ABCB7: variants seen among roughly 807,000 people sequenced by gnomAD.
ABCB7 encodes ATP binding cassette subfamily B member 7, also known as iron-sulfur clusters transporter ABCB7, mitochondrial.
ABCB7 carries 7 observed loss-of-function variants against 54.4 expected under a neutral mutation model. That is an observed-to-expected ratio of 0.13 (90% CI 0.07 to 0.24). The LOEUF (loss-of-function observed/expected upper bound fraction) is 0.24, where lower values mean the gene tolerates loss of function less well. Among genes scored for constraint, ABCB7 ranks in the 10% least tolerant of loss-of-function variants. The pLI, the probability that ABCB7 is intolerant of heterozygous loss-of-function variation, is 1.00. For synonymous variants in ABCB7, 218 were observed against 207.1 expected, an observed-to-expected ratio of 1.05 and a Z score of -0.45; for missense variants, 356 against 570.4, an observed-to-expected ratio of 0.62 and a Z score of 3.83.
Position 75,148,809 on chromosome X carries a change from T to C in ABCB7, c.168+7296A>G, listed in dbSNP as rs772833024. Among the ~76,000 whole-genome samples, 9 of 111,425 alleles carry C rather than the reference T, an allele frequency of 8.1e-5. No individual in the cohort carries two copies. In the East Asian group the frequency reaches 2.5e-3, roughly 31 times the overall value. ...TTGGACTTCATGGGTTCCAGAACTG[T>C]GAGAAAATACATTTCTGTTGTATAA... is the stretch of plus-strand genomic sequence containing the variant. On this transcript the variant is annotated intron_variant, in intron 1 of 15. Transcript: ENST00000373394.
intron 1 of ABCB7, among the ~76,000 whole-genome samples, chrX:75,130,211 G>A (rs924851027): frequency 8.9e-6 from 1 of 111,867 alleles, no homozygotes; most frequent in African/African-American, 3.3e-5. Flanking sequence ...CTTGGTCCAA[G>A]AATCAATGTA....
chrX:75,155,160 T>C lies in ABCB7; in HGVS notation c.168+945A>G, dbSNP rs1466997797. ...CTCCTTAACTAAACTGTACAATCCT[T>C]GAAGGCATAACTGTATGTCTCTCTT... On this transcript the variant is annotated intron_variant, in intron 1 of 15. Transcript: ENST00000373394. 3.5e-5 allele frequency among the ~76,000 whole-genome samples: 4 copies of C among 113,189 alleles called. No homozygotes were observed. In the South Asian group the frequency reaches 1.4e-3, roughly 41 times the overall value.
chrX:75,074,714 T>C (rs2081392205), intron 6 of ABCB7, among the ~76,000 whole-genome samples: 2 of 111,476 alleles, frequency 1.8e-5, no homozygotes, highest in South Asian at 7.5e-4. Flanking sequence ...CTGGAGACCA[T>C]TATCTTAAGT....
chrX:75,069,596 T>G (rs2081347716), intron 10 of ABCB7, 142 bp from the exon 11 acceptor site: 1 of 629,728 alleles, frequency 1.6e-6, no homozygotes, highest in Non-Finnish European at 2.4e-6. Context: ...CTTCCAAGCA[T>G]GCATTTAAAG....
intron 1 of ABCB7, among the ~76,000 whole-genome samples, chrX:75,129,321 T>C (rs2081957889): frequency 9.0e-6 from 1 of 110,543 alleles, no homozygotes; most frequent in South Asian, 3.8e-4. Context: ...CTGGAAACCA[T>C]CATTCTCAGC....
chrX:75,053,992 T>G (rs1420023301), intron 15 of ABCB7, among the ~76,000 whole-genome samples: 1 of 112,018 alleles, frequency 8.9e-6, no homozygotes, highest in Non-Finnish European at 1.9e-5. Flanking sequence ...TATCCTTAAA[T>G]CCTTATGTGT....
intron 15 of ABCB7, among the ~76,000 whole-genome samples, chrX:75,056,548 C>T (rs1032314505): frequency 3.6e-5 from 4 of 111,682 alleles, no homozygotes; most frequent in African/African-American, 1.3e-4. Flanking sequence ...GAATCAACTA[C>T]TTCTCCAAAA....
rs766636565 is a variant in ABCB7 at position 75,112,969 on chromosome X, G to A, written c.250C>T (p.Leu84Phe). ...TTTTCTATCAGTGGCCATACCTGGAGAGCCTAATTGAAGATGATACCAAGC... is the reference window on the plus strand; with the variant it reads ...TTTTCTATCAGTGGCCATACCTGGAAAGCCTAATTGAAGATGATACCAAGC... ...SGQFLDAAKALQVWPLIEKRT... is the reference protein window; with the variant it reads ...SGQFLDAAKAFQVWPLIEKRT... Residue 84 changes from leucine (L) to phenylalanine (F), a missense_variant, in exon 3 of 16, where the codon CTC becomes TTC. By Grantham distance (22) the Leu-to-Phe change is conservative. Transcript: ENST00000373394. 1.0e-5 allele frequency: 12 copies of A among 1,200,259 alleles called. No individual in the cohort carries two copies. The highest frequency in any genetic ancestry group is 7.9e-6 in the Non-Finnish European group (7 of 887,214).
chrX:75,136,811 T>C (rs991763172), intron 1 of ABCB7, among the ~76,000 whole-genome samples: 6 of 112,301 alleles, frequency 5.3e-5, no homozygotes, highest in Non-Finnish European at 1.1e-4. Context: ...CAATAAATGC[T>C]GCTGGGGTAA....
At chrX:75,114,009 G>T (rs951312928) in intron 2 of ABCB7, among the ~76,000 whole-genome samples, 8 of 111,448 alleles carry the variant, frequency 7.2e-5, no homozygotes, top group Non-Finnish European at 1.1e-4. Flanking sequence ...AGAGAGTGAG[G>T]TCTTCAACAA....
At chrX:75,064,460 C>CA (rs755667640) in intron 13 of ABCB7, among the ~76,000 whole-genome samples, 115 of 105,972 alleles carry the variant, frequency 1.1e-3, no homozygotes, top group Middle Eastern at 4.9e-3. Flanking sequence ...CTGTGTCCTC[C>CA]AAAAAAAAAA....
At chrX:75,127,803 AACAG>A (rs958826108) in intron 1 of ABCB7, among the ~76,000 whole-genome samples, 3 of 111,991 alleles carry the variant, frequency 2.7e-5, no homozygotes, top group African/African-American at 9.7e-5. Context: ...ATACACCAAT[AACAG>A]ACAAACAGAG....
intron 3 of ABCB7, among the ~76,000 whole-genome samples, chrX:75,107,117 A>C (rs1051604052): frequency 1.8e-5 from 2 of 111,353 alleles, no homozygotes; most frequent in African/African-American, 6.6e-5. Context: ...GTTAGAGCAG[A>C]AAGGAACACC....
In ABCB7 at chrX:75,099,892, A is replaced by C. The variant is rs188515241; in HGVS notation, c.334-831T>G. ...AAACATACCCAAAAAACACTGAAAA[A>C]GAAAAAAGTAAAAAAAAAAAAAGAT... On this transcript the variant is annotated intron_variant, in intron 3 of 15. Coordinates refer to ENST00000373394, the MANE Select transcript of ABCB7 (RefSeq NM_001271696.3). Among the ~76,000 whole-genome samples the C allele has an allele frequency of 5.2e-3, 565 of 109,643 alleles. 2 individuals carry two copies. Among genetic ancestry groups the C allele is most frequent in the African/African-American group, 0.018 (542 of 30,280 alleles).
At chrX:75,135,894 G>C (rs2082005681) in intron 1 of ABCB7, among the ~76,000 whole-genome samples, 1 of 109,856 alleles carries the variant, frequency 9.1e-6, no homozygotes. Context: ...GGCAAAACCT[G>C]GAAACATACC....
chrX:75,154,927 C>G (rs766903698), intron 1 of ABCB7, among the ~76,000 whole-genome samples: 176 of 112,386 alleles, frequency 1.6e-3, no homozygotes, highest in Admixed American at 5.6e-3. Context: ...ATTCCATCAG[C>G]CTTCCACATG....
chrX:75,131,466 A>T (rs2147554007), intron 1 of ABCB7, among the ~76,000 whole-genome samples: 1 of 111,198 alleles, frequency 9.0e-6, no homozygotes, highest in Non-Finnish European at 1.9e-5. Flanking sequence ...CAGTGGACGT[A>T]TATATAATTT....
chrX:75,119,022 G>A lies in ABCB7; in HGVS notation c.169-4191C>T, dbSNP rs182453835. On this transcript the variant is annotated intron_variant, in intron 1 of 15. Transcript: ENST00000373394. ...TACAGCTACAGGATCTTCTGTCTGC[G>A]TATTTATATTTGTTGTGTGTATGAT... Among the ~76,000 whole-genome samples, 257 of 112,224 alleles carry A rather than the reference G, an allele frequency of 2.3e-3. 1 individual carries two copies. Among genetic ancestry groups the A allele is most frequent in the African/African-American group, 5.9e-3 (182 of 30,944 alleles).
intron 8 of ABCB7, among the ~76,000 whole-genome samples, chrX:75,072,180 C>G (rs955246904): frequency 7.3e-4 from 81 of 111,574 alleles, no homozygotes; most frequent in African/African-American, 2.6e-3. Flanking sequence ...GAAATATGAA[C>G]AAATAAATGA....
Sources: allele counts gnomAD v4.1 joint callset (sites outside exome capture counted in the v4.1 genomes callset), GRCh38; gene constraint gnomAD v4.1.1; transcripts MANE v1.5; gene names NCBI Gene and HGNC (gene_info 2026-07-23, HGNC 2026-07-21).